Variants in SCFD1 observed in about 807,000 individuals in gnomAD.
The protein encoded by SCFD1 is sec1 family domain-containing protein 1.
In SCFD1, 37 loss-of-function variants were observed where a neutral mutation model predicts 103.2. The observed-to-expected ratio is 0.36, with a 90% CI of 0.28 to 0.47. The LOEUF (loss-of-function observed/expected upper bound fraction) is 0.47. Ranked by LOEUF, SCFD1 falls within the 20% of genes least tolerant of loss-of-function variation. SCFD1 has a pLI of 1.00. For missense variants in SCFD1, 639 were observed against 761.2 expected (o/e 0.84, Z 1.89); for synonymous variants, 264 against 245.0 (o/e 1.08, Z -0.73).
intron 1 of SCFD1, among the ~76,000 whole-genome samples, chr14:30,623,155 C>A (rs1594531806): frequency 1.3e-5 from 2 of 152,198 alleles, no homozygotes; most frequent in East Asian, 3.9e-4. Flanking sequence ...CTGTTAGCTA[C>A]AAACTAAAGG....
At chr14:30,623,821 T>C (rs2138960723) in intron 1 of SCFD1, among the ~76,000 whole-genome samples, 1 of 152,326 alleles carries the variant, frequency 6.6e-6, no homozygotes, top group East Asian at 1.9e-4. Flanking sequence ...AATTCTGCCT[T>C]ATTTTCAGAG....
intron 14 of SCFD1, among the ~76,000 whole-genome samples, chr14:30,684,722 C>A: frequency 9.7e-6 from 1 of 102,916 alleles, no homozygotes; most frequent in South Asian, 3.1e-4. Context: ...CTTTTACTCA[C>A]TTATTCTTTT....
chr14:30,657,816 A>G (rs894098481), intron 10 of SCFD1, among the ~76,000 whole-genome samples: 2 of 152,192 alleles, frequency 1.3e-5, no homozygotes, highest in Non-Finnish European at 2.9e-5. Flanking sequence ...ATTGCAGTTT[A>G]CTTTTTATAT....
At chr14:30,733,887 C>A (rs1457908299) in intron 23 of SCFD1, among the ~76,000 whole-genome samples, 1 of 151,934 alleles carries the variant, frequency 6.6e-6, no homozygotes, top group Non-Finnish European at 1.5e-5. Context: ...AAGTTCTGGA[C>A]CCCTCTAATG....
rs1230849483 is a variant in SCFD1, at chr14:30,700,262, T to C, written c.1410+4T>C. 6.3e-7 allele frequency: 1 copy of C among 1,577,712 alleles called. No individual in the cohort carries two copies. The highest frequency in any genetic ancestry group is 8.7e-7 in the Non-Finnish European group (1 of 1,147,664). On this transcript the variant is annotated splice_donor_region_variant and intron_variant, in intron 16 of 24. Coordinates refer to ENST00000458591, the MANE Select transcript of SCFD1 (RefSeq NM_016106.4). ...CACACAGCAAGCACCTTCTGAGGTA[T>C]GTCCTTTATTCAGTTATTGGGAGGA... is the stretch of plus-strand genomic sequence containing the variant.
intron 10 of SCFD1, among the ~76,000 whole-genome samples, chr14:30,661,487 A>C (rs1232675409): frequency 7.9e-5 from 12 of 152,238 alleles, no homozygotes; most frequent in Non-Finnish European, 1.5e-4. Flanking sequence ...TCTGTTGTAG[A>C]GTGATGGATG....
At chr14:30,708,155 T>G in intron 19 of SCFD1, 90 bp downstream of exon 19, 1 of 810,392 alleles carries the variant, frequency 1.2e-6, no homozygotes, top group Non-Finnish European at 2.1e-6. Context: ...CCTGGATTTA[T>G]TCAAGTAATA....
intron 21 of SCFD1, 127 bp downstream of exon 21, chr14:30,719,504 T>C: frequency 1.5e-6 from 1 of 661,526 alleles, no homozygotes; most frequent in South Asian, 1.8e-5. Flanking sequence ...GAAACAAGGA[T>C]GTATAATCTC....
Position 30,636,578 on chromosome 14 carries a change from T to C in SCFD1, c.313-1547T>C, listed in dbSNP as rs547417994. ...TTTCTGAACTCTCAGTTCTATTGCA[T>C]TGATATCTATGTCTTTCCTTATGCC... On this transcript the variant is annotated intron_variant, in intron 4 of 24. Transcript: ENST00000458591. Among the ~76,000 whole-genome samples, 7 of 152,224 alleles carry C rather than the reference T, an allele frequency of 4.6e-5. No individual in the cohort carries two copies. The South Asian group carries it at 1.4e-3, about 32-fold the overall frequency.
At chr14:30,682,438 A>T (rs1889562161) in intron 14 of SCFD1, among the ~76,000 whole-genome samples, 1 of 152,134 alleles carries the variant, frequency 6.6e-6, no homozygotes, top group Non-Finnish European at 1.5e-5. Flanking sequence ...TTGTAACATA[A>T]TTTTTCACAT....
intron 10 of SCFD1, among the ~76,000 whole-genome samples, chr14:30,668,704 A>G (rs2139194237): frequency 6.6e-6 from 1 of 152,308 alleles, no homozygotes; most frequent in East Asian, 1.9e-4. Context: ...AATTTACAAG[A>G]AAAAAATCAA....
At chr14:30,622,719 G>A (rs1380780035) in intron 1 of SCFD1, among the ~76,000 whole-genome samples, 2 of 152,146 alleles carry the variant, frequency 1.3e-5, no homozygotes, top group African/African-American at 4.8e-5. Flanking sequence ...CCACCTATGA[G>A]GTCTCCGAGT....
intron 10 of SCFD1, among the ~76,000 whole-genome samples, chr14:30,657,688 T>G (rs1260334513): frequency 6.6e-6 from 1 of 152,198 alleles, no homozygotes; most frequent in Non-Finnish European, 1.5e-5. Flanking sequence ...ATCACAAAAA[T>G]TTTTGTTGAT....
intron 10 of SCFD1, among the ~76,000 whole-genome samples, chr14:30,662,330 T>G (rs1887526116): frequency 6.6e-6 from 1 of 152,176 alleles, no homozygotes; most frequent in Admixed American, 6.5e-5. Context: ...GATGGGACAT[T>G]TCTTTAATGT....
chr14:30,735,621 C>T lies in SCFD1; in HGVS notation c.*12C>T. 1.9e-6 allele frequency: 3 copies of T among 1,581,266 alleles called. No individual in the cohort carries two copies. The highest frequency in any genetic ancestry group is 2.3e-5 in the South Asian group (2 of 87,426). ...TTGGACAAAAGTAACACAGAAGAAC[C>T]TTACTATGATAATCTACTTGGAATG... is the stretch of plus-strand genomic sequence containing the variant. On this transcript the variant is annotated 3_prime_UTR_variant, in exon 25 of 25. Coordinates refer to ENST00000458591, the MANE Select transcript of SCFD1 (RefSeq NM_016106.4).
intron 17 of SCFD1, among the ~76,000 whole-genome samples, chr14:30,703,628 A>G (rs1370635163): frequency 6.7e-6 from 1 of 150,032 alleles, no homozygotes; most frequent in Non-Finnish European, 1.5e-5. Context: ...TACATTAAAA[A>G]AAAGCATAAC....
intron 7 of SCFD1, among the ~76,000 whole-genome samples, chr14:30,645,816 T>A (rs1485493550): frequency 6.6e-6 from 1 of 152,192 alleles, no homozygotes; most frequent in African/African-American, 2.4e-5. Flanking sequence ...ATGCCTTTTA[T>A]TTCTTTCTCT....
At chr14:30,723,019 A>C (rs533439587) in intron 23 of SCFD1, among the ~76,000 whole-genome samples, 4 of 152,192 alleles carry the variant, frequency 2.6e-5, no homozygotes, top group Non-Finnish European at 5.9e-5. Flanking sequence ...AAGGGAGTGC[A>C]GGGAGTAGCA....
intron 6 of SCFD1, among the ~76,000 whole-genome samples, chr14:30,642,339 CT>C (rs1885364732): frequency 6.6e-6 from 1 of 152,208 alleles, no homozygotes; most frequent in African/African-American, 2.4e-5. Flanking sequence ...GATCTGCCCC[CT>C]CAGCCTCCCA....
Sources: allele counts gnomAD v4.1 joint callset (sites outside exome capture counted in the v4.1 genomes callset), GRCh38; gene constraint gnomAD v4.1.1; transcripts MANE v1.5; gene names NCBI Gene and HGNC (gene_info 2026-07-23, HGNC 2026-07-21).